Variants in ARL6IP6 observed in about 807,000 individuals in gnomAD.
ARL6IP6 encodes the protein ADP-ribosylation factor-like protein 6-interacting protein 6.
A neutral mutation model predicts 21.5 loss-of-function variants in ARL6IP6; 22 were observed. The observed-to-expected ratio is 1.02, with a 90% CI of 0.73 to 1.46. ARL6IP6 has a LOEUF of 1.46. ARL6IP6 is among the 40% of genes most tolerant of loss of function. The pLI is 0.00. For synonymous variants in ARL6IP6, 164 were observed against 125.3 expected (o/e 1.31, Z -2.06); for missense variants, 388 against 299.8 (o/e 1.29, Z -2.17).
intron 3 of ARL6IP6, among the ~76,000 whole-genome samples, chr2:152,742,806 C>G (rs955534448): frequency 1.3e-5 from 2 of 152,090 alleles, no homozygotes; most frequent in Non-Finnish European, 2.9e-5. Context: ...CTAAGCCACC[C>G]ATCTCGTAGG....
upstream of ARL6IP6, chr2:152,718,308 G>T (rs1699322488): frequency 6.8e-6 from 2 of 294,846 alleles, no homozygotes; most frequent in South Asian, 2.6e-4. Flanking sequence ...GGGTGGCGGA[G>T]GTCTCCGGCC....
At chr2:152,735,236 T>C in intron 3 of ARL6IP6, 110 bp downstream of exon 3, 1 of 1,214,358 alleles carries the variant, frequency 8.2e-7, no homozygotes, top group East Asian at 2.4e-5. Flanking sequence ...GTTTCAGTCT[T>C]TATAAAGCAC....
intron 3 of ARL6IP6, among the ~76,000 whole-genome samples, chr2:152,750,465 G>A (rs1253198933): frequency 7.3e-6 from 1 of 137,498 alleles, no homozygotes; most frequent in African/African-American, 2.7e-5. Flanking sequence ...GACAGAGCAA[G>A]ACTCTGTCCA....
intron 2 of ARL6IP6, among the ~76,000 whole-genome samples, chr2:152,731,870 C>T (rs1053299307): frequency 6.6e-6 from 1 of 151,838 alleles, no homozygotes; most frequent in African/African-American, 2.4e-5. Context: ...CATATTTTCC[C>T]CTTATTTATA....
intron 3 of ARL6IP6, among the ~76,000 whole-genome samples, chr2:152,741,951 AAAGAAC>A (rs1259571753): frequency 3.3e-5 from 5 of 152,228 alleles, no homozygotes; most frequent in African/African-American, 9.6e-5. Flanking sequence ...TAACAGTGTT[AAAGAAC>A]AAGAGGCAGA....
At chr2:152,750,066 T>A (rs1282163898) in intron 3 of ARL6IP6, among the ~76,000 whole-genome samples, 4 of 152,246 alleles carry the variant, frequency 2.6e-5, no homozygotes, top group Non-Finnish European at 2.9e-5. Context: ...GCATCATTGT[T>A]CTAGTTTTAA....
chr2:152,725,784 C>T (rs1182061079), intron 2 of ARL6IP6, among the ~76,000 whole-genome samples: 9 of 152,138 alleles, frequency 5.9e-5, no homozygotes, highest in Non-Finnish European at 8.8e-5. Flanking sequence ...GCACTCAGGT[C>T]GTGCCCATTT....
intron 3 of ARL6IP6, among the ~76,000 whole-genome samples, chr2:152,738,226 C>T (rs935757857): frequency 8.5e-5 from 13 of 152,216 alleles, no homozygotes; most frequent in African/African-American, 3.1e-4. Context: ...GCAGCTCTGC[C>T]CCTGTGGCTT....
At chr2:152,741,498 A>T (rs1191480750) in intron 3 of ARL6IP6, among the ~76,000 whole-genome samples, 1 of 152,032 alleles carries the variant, frequency 6.6e-6, no homozygotes, top group South Asian at 2.1e-4. Flanking sequence ...CAAACCCCTC[A>T]GAGGAAGAAA....
At chr2:152,727,562 G>A (rs1482423866) in intron 2 of ARL6IP6, among the ~76,000 whole-genome samples, 1 of 152,136 alleles carries the variant, frequency 6.6e-6, no homozygotes, top group African/African-American at 2.4e-5. Flanking sequence ...TCTTTGTCCT[G>A]TAAGCTCCAT....
chr2:152,732,044 T>C (rs1455022531), intron 2 of ARL6IP6, among the ~76,000 whole-genome samples: 3 of 152,054 alleles, frequency 2.0e-5, no homozygotes, highest in Non-Finnish European at 2.9e-5. Flanking sequence ...CCTTCATTAC[T>C]GATAATTTAG....
upstream of ARL6IP6, chr2:152,717,985 G>C (rs1052915038): frequency 5.0e-6 from 5 of 999,690 alleles, no homozygotes; most frequent in African/African-American, 1.7e-5. Flanking sequence ...TTCGATCTCC[G>C]TACGCACCAG....
Position 152,718,655 on chromosome 2 carries a change from G to C in ARL6IP6, c.31G>C (p.Ala11Pro). 1.3e-6 allele frequency: 2 copies of C among 1,561,960 alleles called. No homozygotes were observed. Among genetic ancestry groups the C allele is most frequent in the Admixed American group, 1.9e-5 (1 of 52,350 alleles). Reference protein sequence around the residue: MSFAESGWRSALRRRGPGTPG... With the variant: MSFAESGWRSPLRRRGPGTPG... ...GTTTGCTGAGAGCGGGTGGCGGTCG[G>C]CTCTGCGGCGCCGCGGTCCCGGCAC... The change falls in exon 1 of 4, where the codon GCT (alanine) becomes CCT (proline). Residue 11 changes from alanine (A) to proline (P), a missense_variant. Coordinates refer to ENST00000326446, the MANE Select transcript of ARL6IP6 (RefSeq NM_152522.7).
intron 3 of ARL6IP6, among the ~76,000 whole-genome samples, chr2:152,750,016 C>G (rs1307688090): frequency 6.6e-6 from 1 of 152,126 alleles, no homozygotes; most frequent in Non-Finnish European, 1.5e-5. Context: ...AGATAGGTCT[C>G]CTTAATTGAC....
At position 152,761,172 on chromosome 2, in the gene ARL6IP6, A is replaced by G. The variant is rs1222477929; in HGVS notation, c.*1332A>G. On this transcript the variant is annotated 3_prime_UTR_variant, in exon 4 of 4. Coordinates refer to ENST00000326446, the MANE Select transcript of ARL6IP6 (RefSeq NM_152522.7). ...GTTACCGACTAAACAAGGTTTCTAA[A>G]AGTCTCGCATTTCTTTTACTATTCA... 3 of 152,212 alleles carry G rather than the reference A, an allele frequency of 2.0e-5. No individual in the cohort carries two copies. The highest frequency in any genetic ancestry group is 4.4e-5 in the Non-Finnish European group (3 of 68,032). 9.4% of individuals were successfully genotyped at this position (152,212 alleles called of 1,614,324 possible).
chr2:152,725,981 C>CTG (rs1700028862), intron 2 of ARL6IP6, among the ~76,000 whole-genome samples: 1 of 152,052 alleles, frequency 6.6e-6, no homozygotes. Context: ...ATATTGATGA[C>CTG]TGTTTTCCCT....
At chr2:152,734,366 AAG>A (rs34738048) in intron 2 of ARL6IP6, among the ~76,000 whole-genome samples, 20,921 of 152,276 alleles carry the variant, frequency 0.14, 1,767 homozygotes, top group East Asian at 0.27. Flanking sequence ...GAAAACTGTA[AAG>A]AGGGGATACC....
intron 3 of ARL6IP6, among the ~76,000 whole-genome samples, chr2:152,747,926 C>G (rs1701134055): frequency 6.6e-6 from 1 of 151,860 alleles, no homozygotes; most frequent in Admixed American, 6.6e-5. Context: ...GTCTGGAATC[C>G]CTGACCTCAA....
At position 152,734,980 on chromosome 2, in the gene ARL6IP6, C is replaced by G. The variant is rs763641017; in HGVS notation, c.455-14C>G. 1.9e-6 allele frequency: 3 copies of G among 1,609,004 alleles called. No homozygotes were observed. The highest frequency in any genetic ancestry group is 2.2e-5 in the South Asian group (2 of 90,854). ...GTTAATAATGTACTTTTTCCCCTCTCTTTTCCTGTTAAGGATTCTGGACTC... is the reference window on the plus strand; with the variant it reads ...GTTAATAATGTACTTTTTCCCCTCTGTTTTCCTGTTAAGGATTCTGGACTC... On this transcript the variant is annotated splice_polypyrimidine_tract_variant and intron_variant, in intron 2 of 3. Transcript: ENST00000326446.
Sources: gnomAD v4.1 joint callset for allele counts (sites outside exome capture counted in the v4.1 genomes callset) on GRCh38, gnomAD v4.1.1 for gene constraint, MANE v1.5 for transcripts, NCBI Gene and HGNC (gene_info 2026-07-23, HGNC 2026-07-21) for gene names.